SPATS2L: variants seen among roughly 807,000 people sequenced by gnomAD.
SPATS2L encodes spermatogenesis associated serine rich 2 like, also known as SPATS2-like protein.
In SPATS2L, 30 loss-of-function variants were observed where a neutral mutation model predicts 59.6. That is an observed-to-expected ratio of 0.50 (90% confidence interval 0.38 to 0.68). The LOEUF (loss-of-function observed/expected upper bound fraction) is 0.68, where lower values mean the gene tolerates loss of function less well. Among genes scored for constraint, SPATS2L ranks in the 30% least tolerant of loss-of-function variants. The probability of loss-of-function intolerance (pLI) is 0.00; values close to 1 mark genes in which losing one functional copy is unlikely to be tolerated. For missense variants in SPATS2L, 615 were observed against 700.0 expected, an observed-to-expected ratio of 0.88 and a Z score of 1.37; for synonymous variants, 252 against 263.5, an observed-to-expected ratio of 0.96 and a Z score of 0.42.
chr2:200,468,266 C>G (rs1475814842), intron 10 of SPATS2L, among the ~76,000 whole-genome samples: 1 of 149,948 alleles, frequency 6.7e-6, no homozygotes. Flanking sequence ...AAATAGTTAC[C>G]AGGAAGGCAA....
At chr2:200,437,891 T>C (rs1306758003) in intron 6 of SPATS2L, among the ~76,000 whole-genome samples, 1 of 152,230 alleles carries the variant, frequency 6.6e-6, no homozygotes, top group Non-Finnish European at 1.5e-5. Context: ...CATTGTTTTT[T>C]ATTTTTTTCT....
At chr2:200,439,087 T>A in intron 6 of SPATS2L, 35 bp from the exon 7 acceptor site, 1 of 1,570,438 alleles carries the variant, frequency 6.4e-7, no homozygotes, top group Non-Finnish European at 8.8e-7. Context: ...TTTTAGTTTA[T>A]CACTTCACAG....
chr2:200,424,956 TGTACAGCCTGCCCTGTA>T (rs1468033100), intron 6 of SPATS2L, among the ~76,000 whole-genome samples: 28 of 152,240 alleles, frequency 1.8e-4, no homozygotes, highest in Non-Finnish European at 2.9e-5. Context: ...CGAGCTGGAC[TGTACAGCCTGCCCTGTA>T]CCACAAAGCA....
chr2:200,368,418 A>T (rs1008034289), intron 2 of SPATS2L, among the ~76,000 whole-genome samples: 3 of 152,176 alleles, frequency 2.0e-5, no homozygotes, highest in African/African-American at 7.2e-5. Flanking sequence ...AGTCTTATTC[A>T]TGTTTAAATG....
At chr2:200,412,229 A>G (rs1445758262) in intron 3 of SPATS2L, 82 bp from the exon 4 acceptor site, 2 of 817,824 alleles carry the variant, frequency 2.4e-6, no homozygotes, top group East Asian at 2.9e-5. Flanking sequence ...AATAGTTGTA[A>G]TTCTATCCAG....
intron 2 of SPATS2L, among the ~76,000 whole-genome samples, chr2:200,386,764 A>C (rs971533656): frequency 6.6e-6 from 1 of 152,204 alleles, no homozygotes; most frequent in African/African-American, 2.4e-5. Context: ...TCTTAATGGC[A>C]CCAAATTCAG....
chr2:200,412,480 A>G lies in SPATS2L; in HGVS notation c.148+61A>G, dbSNP rs926620251. On this transcript the variant is annotated intron_variant, in intron 4 of 12. Coordinates refer to ENST00000409140, the MANE Select transcript of SPATS2L (RefSeq NM_001100423.2). ...GACTTAAATATTCCAGATATTCCAT[A>G]TTTTTTCCTTAAATGAACTGAATAT... is the stretch of plus-strand genomic sequence containing the variant. 3.2e-6 allele frequency: 3 copies of G among 932,104 alleles called. No individual in the cohort carries two copies. The African/African-American group carries it at 5.1e-5, about 16-fold the overall frequency. 57.7% of individuals were successfully genotyped at this position (932,104 alleles called of 1,614,324 possible). A position where few individuals can be genotyped will look rare whatever the true frequency, so the allele number is the denominator to read the frequency against.
intron 1 of SPATS2L, among the ~76,000 whole-genome samples, chr2:200,324,746 G>A (rs1235782012): frequency 6.6e-6 from 1 of 152,122 alleles, no homozygotes; most frequent in African/African-American, 2.4e-5. Flanking sequence ...ATCCATTTGT[G>A]TGGCAAATTC....
intron 8 of SPATS2L, among the ~76,000 whole-genome samples, chr2:200,448,514 A>G (rs2085218712): frequency 6.6e-6 from 1 of 152,246 alleles, no homozygotes; most frequent in African/African-American, 2.4e-5. Flanking sequence ...TTTGTTTTTA[A>G]TAAAATCAAG....
intron 10 of SPATS2L, 200 bp from the exon 11 acceptor site, chr2:200,469,714 T>A: frequency 3.9e-6 from 2 of 515,120 alleles, no homozygotes; most frequent in Non-Finnish European, 6.9e-6. Context: ...CCTCACATAT[T>A]CCCCAGGCAG....
At chr2:200,371,707 T>C (rs2081431859) in intron 2 of SPATS2L, among the ~76,000 whole-genome samples, 1 of 152,184 alleles carries the variant, frequency 6.6e-6, no homozygotes, top group Non-Finnish European at 1.5e-5. Flanking sequence ...AATTCCCTTA[T>C]ACATAGAGTC....
chr2:200,368,758 A>T (rs2081336900), intron 2 of SPATS2L, among the ~76,000 whole-genome samples: 1 of 152,072 alleles, frequency 6.6e-6, no homozygotes, highest in Non-Finnish European at 1.5e-5. Flanking sequence ...ATAGCCGGAG[A>T]CTCTGAAAGA....
chr2:200,418,403 T>C (rs979172984), intron 5 of SPATS2L, among the ~76,000 whole-genome samples: 1 of 151,998 alleles, frequency 6.6e-6, no homozygotes, highest in African/African-American at 2.4e-5. Context: ...GGAGACCCTG[T>C]ATCTACAAAA....
intron 2 of SPATS2L, chr2:200,351,288 C>G (rs1216146033): frequency 2.1e-6 from 1 of 471,460 alleles, no homozygotes; most frequent in East Asian, 7.0e-5. Context: ...TTTCTCCAAG[C>G]ATGTAAGTAC....
intron 2 of SPATS2L, chr2:200,351,151 A>G (rs12993803): frequency 0.024 from 10,850 of 450,090 alleles, 200 homozygotes; most frequent in Middle Eastern, 0.043. Flanking sequence ...AATGGGTGGA[A>G]AGCAGTGCGA....
In SPATS2L at chr2:200,478,096, C is replaced by A; in HGVS notation, c.*65C>A. On this transcript the variant is annotated 3_prime_UTR_variant, in exon 13 of 13. Transcript: ENST00000409140. ...CCCTGCCCGAGGTGCTGACCCAATT[C>A]GCTGCCAAAAGAGTGTCAATCAGAA... 1.4e-6 allele frequency: 2 copies of A among 1,448,086 alleles called. No individual in the cohort carries two copies. Among genetic ancestry groups the A allele is most frequent in the South Asian group, 1.4e-5 (1 of 71,354 alleles). The allele number at this position is 1,448,086 out of a possible 1,614,324, so 89.7% of individuals were successfully genotyped here. A position where few individuals can be genotyped will look rare whatever the true frequency, so the allele number is the denominator to read the frequency against.
At chr2:200,432,246 G>A (rs897325778) in intron 6 of SPATS2L, among the ~76,000 whole-genome samples, 2 of 152,216 alleles carry the variant, frequency 1.3e-5, no homozygotes, top group African/African-American at 4.8e-5. Context: ...AGAATACAGA[G>A]GGAGGAGCTT....
chr2:200,385,887 G>A (rs937454371), intron 2 of SPATS2L, among the ~76,000 whole-genome samples: 1 of 152,194 alleles, frequency 6.6e-6, no homozygotes, highest in Admixed American at 6.5e-5. Flanking sequence ...TGGAGACAGG[G>A]TTTCACTGTG....
intron 8 of SPATS2L, among the ~76,000 whole-genome samples, chr2:200,456,602 G>A (rs2085850072): frequency 6.6e-6 from 1 of 152,134 alleles, no homozygotes; most frequent in South Asian, 2.1e-4. Context: ...ATCAACAAAA[G>A]TGTTACGATG....
Sources: allele counts gnomAD v4.1 joint callset (sites outside exome capture counted in the v4.1 genomes callset), GRCh38; gene constraint gnomAD v4.1.1; transcripts MANE v1.5; gene names NCBI Gene and HGNC (gene_info 2026-07-23, HGNC 2026-07-21).